Variants in CDH18 observed in about 807,000 individuals in gnomAD.
The protein encoded by CDH18 is cadherin-18.
Under a neutral mutation model 67.9 loss-of-function variants are expected in CDH18, and 31 were observed. The ratio of observed to expected loss-of-function variants is 0.46; its 90% CI spans 0.34 to 0.62. The LOEUF (loss-of-function observed/expected upper bound fraction) is 0.62. Among genes scored for constraint, CDH18 ranks in the 20% least tolerant of loss-of-function variants. CDH18 has a pLI of 0.01. For missense variants in CDH18, 890 were observed against 975.5 expected, an observed-to-expected ratio of 0.91 and a Z score of 1.17; for synonymous variants, 362 against 347.2, an observed-to-expected ratio of 1.04 and a Z score of -0.48.
At chr5:19,597,136 C>G (rs73053664) in intron 6 of CDH18, among the ~76,000 whole-genome samples, 12,687 of 152,164 alleles carry the variant, frequency 0.083, 818 homozygotes, top group East Asian at 0.26. Context: ...TGTTATGTTT[C>G]GTTGCAGCCC....
upstream of CDH18, among the ~76,000 whole-genome samples, chr5:19,991,277 C>A (rs887803497): frequency 2.0e-5 from 3 of 152,058 alleles, no homozygotes; most frequent in African/African-American, 7.2e-5. Flanking sequence ...GTTTTTAGAG[C>A]GGTCAACTGC....
At chr5:19,701,780 A>G (rs181839908) in intron 5 of CDH18, among the ~76,000 whole-genome samples, 1 of 152,266 alleles carries the variant, frequency 6.6e-6, no homozygotes, top group African/African-American at 2.4e-5. Flanking sequence ...CAAGCAGACC[A>G]GACAGAGACA....
chr5:19,678,971 C>G (rs1411934585), intron 5 of CDH18, among the ~76,000 whole-genome samples: 1 of 151,914 alleles, frequency 6.6e-6, no homozygotes, highest in Non-Finnish European at 1.5e-5. Context: ...ATTCTGATAT[C>G]AAAACCAGAC....
chr5:20,173,000 AAAAG>A (rs1043554441), intron 2 of CDH18, among the ~76,000 whole-genome samples: 3 of 151,478 alleles, frequency 2.0e-5, no homozygotes, highest in Admixed American at 6.6e-5. Context: ...CAAAAAAAAA[AAAAG>A]AAAGAAAGAA....
intron 2 of CDH18, among the ~76,000 whole-genome samples, chr5:19,917,964 C>T (rs4610462): frequency 0.021 from 3,237 of 152,172 alleles, 99 homozygotes; most frequent in African/African-American, 0.07. Context: ...GAAGCAGAGA[C>T]GTGAGATGTG....
intron 4 of CDH18, 30 bp downstream of exon 4, chr5:19,746,912 T>C (rs1212006766): frequency 8.2e-6 from 13 of 1,586,742 alleles, no homozygotes; most frequent in Admixed American, 1.7e-5. Flanking sequence ...AATATGTTAA[T>C]TGCATAATCA....
intron 2 of CDH18, among the ~76,000 whole-genome samples, chr5:20,030,542 C>T (rs1394921512): frequency 6.6e-6 from 1 of 151,764 alleles, no homozygotes; most frequent in East Asian, 1.9e-4. Flanking sequence ...CATTATTGGC[C>T]ATGATACATT....
chr5:20,311,130 GA>G (rs1415270661), intron 1 of CDH18, among the ~76,000 whole-genome samples: 1 of 151,872 alleles, frequency 6.6e-6, no homozygotes, highest in Non-Finnish European at 1.5e-5. Context: ...CTTTCTAACT[GA>G]AAAGTCAGGA....
chr5:20,467,936 C>T (rs1214280160), intron 1 of CDH18, among the ~76,000 whole-genome samples: 1 of 151,608 alleles, frequency 6.6e-6, no homozygotes, highest in Non-Finnish European at 1.5e-5. Context: ...ATTTTCTTTA[C>T]TTACTTTTTA....
intron 2 of CDH18, among the ~76,000 whole-genome samples, chr5:20,190,834 A>G (rs1043711783): frequency 6.6e-6 from 1 of 152,116 alleles, no homozygotes; most frequent in Non-Finnish European, 1.5e-5. Flanking sequence ...CTCTAATCAT[A>G]TTGGCATTCT....
chr5:20,568,253 C>T (rs1234168220), intron 1 of CDH18, among the ~76,000 whole-genome samples: 3 of 152,104 alleles, frequency 2.0e-5, no homozygotes, highest in Non-Finnish European at 4.4e-5. Context: ...ATTTGAAACC[C>T]AATGACCTAC....
At chr5:20,435,595 C>T (rs781172289) in intron 1 of CDH18, among the ~76,000 whole-genome samples, 1 of 151,810 alleles carries the variant, frequency 6.6e-6, no homozygotes, top group Non-Finnish European at 1.5e-5. Context: ...ATAGGCCAAC[C>T]GCATGGATGT....
At chr5:20,413,132 G>A (rs1481453421) in intron 1 of CDH18, among the ~76,000 whole-genome samples, 1 of 152,182 alleles carries the variant, frequency 6.6e-6, no homozygotes, top group Admixed American at 6.5e-5. Context: ...CCCTACAAAG[G>A]ACATGAACTC....
At chr5:20,300,204 G>A (rs945558728) in intron 1 of CDH18, among the ~76,000 whole-genome samples, 22 of 152,048 alleles carry the variant, frequency 1.4e-4, no homozygotes, top group African/African-American at 4.4e-4. Context: ...GGTCAGTAGA[G>A]ATCTGATTCT....
intron 1 of CDH18, among the ~76,000 whole-genome samples, chr5:20,501,007 C>T (rs1298382135): frequency 6.6e-6 from 1 of 152,084 alleles, no homozygotes; most frequent in African/African-American, 2.4e-5. Flanking sequence ...CTTGGACTAG[C>T]AACTCAACAA....
At chr5:19,810,450 T>G (rs1778517984) in intron 3 of CDH18, among the ~76,000 whole-genome samples, 1 of 152,156 alleles carries the variant, frequency 6.6e-6, no homozygotes, top group Admixed American at 6.5e-5. Context: ...GATAATGATT[T>G]AATTTAGTTC....
chr5:19,769,824 T>C (rs1451631891), intron 3 of CDH18, among the ~76,000 whole-genome samples: 1 of 151,902 alleles, frequency 6.6e-6, no homozygotes, highest in Non-Finnish European at 1.5e-5. Context: ...TGGGAGACAG[T>C]ATGTACAAAT....
At chr5:19,888,229 C>T (rs932010131) in intron 2 of CDH18, among the ~76,000 whole-genome samples, 2 of 152,060 alleles carry the variant, frequency 1.3e-5, no homozygotes, top group African/African-American at 4.8e-5. Flanking sequence ...TTAGCTTGCA[C>T]ACAAAAACAT....
rs1232421744 is a variant in CDH18, at chr5:19,838,992, G to A, written c.-6C>T. 1.2e-6 allele frequency: 2 copies of A among 1,604,946 alleles called. No homozygotes were observed. The highest frequency in any genetic ancestry group is 1.7e-6 in the Non-Finnish European group (2 of 1,171,798). On this transcript the variant is annotated 5_prime_UTR_variant, in exon 3 of 13. Coordinates refer to ENST00000382275, the MANE Select transcript of CDH18 (RefSeq NM_004934.5). ...GATGTGCTAGTAATTTTCATTGTAA[G>A]ATAACTTTCCAGTTCACAGTTTTCC...
Sources: allele counts gnomAD v4.1 joint callset (sites outside exome capture counted in the v4.1 genomes callset), GRCh38; gene constraint gnomAD v4.1.1; transcripts MANE v1.5; gene names NCBI Gene and HGNC (gene_info 2026-07-23, HGNC 2026-07-21).